AGBL3: variants seen among roughly 807,000 people sequenced by gnomAD.
AGBL3 encodes AGBL carboxypeptidase 3, also known as cytosolic carboxypeptidase 3.
Under a neutral mutation model 94.5 loss-of-function variants are expected in AGBL3, and 68 were observed. The ratio of observed to expected loss-of-function variants is 0.72; its 90% confidence interval spans 0.59 to 0.88. The LOEUF (loss-of-function observed/expected upper bound fraction) is 0.88, where lower values mean the gene tolerates loss of function less well. AGBL3 is among the 40% of genes least tolerant of loss of function. AGBL3 has a pLI of 0.00. For missense variants in AGBL3, 934 were observed against 1,103.8 expected (o/e 0.85, Z 2.18); for synonymous variants, 354 against 370.7 (o/e 0.95, Z 0.52).
At chr7:135,117,238 A>AT (rs34797654) in intron 16 of AGBL3, among the ~76,000 whole-genome samples, 73,685 of 151,968 alleles carry the variant, frequency 0.48, 18,230 homozygotes, top group South Asian at 0.66. Flanking sequence ...ATTCCTCCAT[A>AT]TTGAAATCTG....
At chr7:135,017,917 G>A (rs1813989627) in intron 5 of AGBL3, among the ~76,000 whole-genome samples, 2 of 152,108 alleles carry the variant, frequency 1.3e-5, no homozygotes, top group African/African-American at 4.8e-5. Context: ...ATTTGATTGT[G>A]AATATTTACA....
chr7:135,045,929 A>C lies in AGBL3; in HGVS notation c.1841+18A>C, dbSNP rs891615273. ...GAGTCTAGGTAACTCAAGGCTGCTG[A>C]AGTAATGCAATTTGTTGTGCTGTTT... is the stretch of plus-strand genomic sequence containing the variant. On this transcript the variant is annotated intron_variant, in intron 11 of 16. Transcript: ENST00000436302. The C allele has an allele frequency of 7.1e-7, 1 of 1,415,838 alleles. No individual in the cohort carries two copies. The highest frequency in any genetic ancestry group is 9.7e-7 in the Non-Finnish European group (1 of 1,032,258). The allele number at this position is 1,415,838 out of a possible 1,614,324, so 87.7% of individuals were successfully genotyped here.
chr7:135,068,599 GA>G (rs1199526704), intron 12 of AGBL3, among the ~76,000 whole-genome samples: 1 of 152,162 alleles, frequency 6.6e-6, no homozygotes, highest in Admixed American at 6.5e-5. Flanking sequence ...TTAAAGAAAA[GA>G]ATTTTCAACC....
chr7:135,086,575 A>G (rs1821349728), intron 15 of AGBL3, among the ~76,000 whole-genome samples: 1 of 152,034 alleles, frequency 6.6e-6, no homozygotes. Context: ...TGAGATGATC[A>G]TAGGGTTTTT....
At chr7:135,090,581 C>T (rs1425873802) in intron 15 of AGBL3, among the ~76,000 whole-genome samples, 6 of 152,116 alleles carry the variant, frequency 3.9e-5, no homozygotes, top group Non-Finnish European at 4.4e-5. Flanking sequence ...GCACCATTTC[C>T]CTGGGATACA....
chr7:135,112,967 G>A (rs1057145907), intron 15 of AGBL3, among the ~76,000 whole-genome samples: 3 of 152,090 alleles, frequency 2.0e-5, no homozygotes, highest in Admixed American at 2.0e-4. Context: ...AGTAGAGACA[G>A]GGTTTCACCC....
chr7:135,135,170 C>G lies in AGBL3; in HGVS notation c.2672C>G (p.Thr891Arg). The change falls in exon 17 of 17, where the codon ACA becomes AGA. Residue 891 changes from threonine (T) to arginine (R), a missense_variant. By Grantham distance (71) the Thr-to-Arg change is moderately conservative. Around this residue, in one of 3 missense-constraint regions of AGBL3, gnomAD observed 441 missense variants for 518.2 expected, o/e 0.85. Transcript: ENST00000436302. ...EETNQQSSKH[T>R]ALHLTKNKDE... ...ACTAACCAGCAAAGCTCTAAGCATA[C>G]AGCCCTCCATCTAACTAAAAATAAG... 1 of 1,550,878 alleles carries G rather than the reference C, an allele frequency of 6.4e-7. No individual in the cohort carries two copies. The highest frequency in any genetic ancestry group is 8.7e-7 in the Non-Finnish European group (1 of 1,146,566).
rs530716131 is a variant in AGBL3 at position 135,079,559 on chromosome 7, G to C, written c.1981-644G>C. Among the ~76,000 whole-genome samples the C allele has an allele frequency of 7.2e-5, 11 of 151,924 alleles. No individual in the cohort carries two copies. The East Asian group carries it at 1.7e-3, about 24-fold the overall frequency. On this transcript the variant is annotated intron_variant, in intron 13 of 16. Transcript: ENST00000436302. ...CAGCTCACTGCAACCTCTGCCTCCC[G>C]GGTTTAAGCAATTCTCCTGCCTCAG...
chr7:135,129,354 G>C (rs1202960430), intron 16 of AGBL3: 8 of 990,618 alleles, frequency 8.1e-6, no homozygotes, highest in Middle Eastern at 2.6e-4. Context: ...CTTACTAAAT[G>C]AATACCTGCA....
At chr7:135,014,469 AC>A (rs1392406824) in intron 4 of AGBL3, among the ~76,000 whole-genome samples, 2 of 152,184 alleles carry the variant, frequency 1.3e-5, no homozygotes, top group African/African-American at 2.4e-5. Flanking sequence ...AAGTGGGATC[AC>A]CCAAAGATAA....
intron 14 of AGBL3, 143 bp downstream of exon 14, chr7:135,080,403 C>T (rs1820816802): frequency 3.2e-6 from 2 of 619,232 alleles, no homozygotes; most frequent in African/African-American, 3.7e-5. Flanking sequence ...CCTGCAGGAC[C>T]TCATCCTTTA....
At chr7:135,016,267 A>C (rs1384709622) in intron 4 of AGBL3, among the ~76,000 whole-genome samples, 8 of 152,164 alleles carry the variant, frequency 5.3e-5, no homozygotes, top group Non-Finnish European at 1.0e-4. Flanking sequence ...TTAACTCTAC[A>C]ATACAGTGAT....
At chr7:135,089,283 G>C (rs761188346) in intron 15 of AGBL3, among the ~76,000 whole-genome samples, 5 of 151,982 alleles carry the variant, frequency 3.3e-5, no homozygotes, top group South Asian at 2.1e-4. Context: ...TGAATTATCT[G>C]TCTGTATTTT....
intron 15 of AGBL3, among the ~76,000 whole-genome samples, chr7:135,098,151 G>T (rs1249031417): frequency 2.6e-5 from 4 of 152,074 alleles, no homozygotes; most frequent in Non-Finnish European, 5.9e-5. Flanking sequence ...TTGAAAAGCT[G>T]GAAACCAATT....
chr7:135,014,259 G>A (rs1300286689), intron 4 of AGBL3, among the ~76,000 whole-genome samples: 1 of 148,012 alleles, frequency 6.8e-6, no homozygotes, highest in Non-Finnish European at 1.5e-5. Context: ...TCTGCATAAT[G>A]AGATTGTGGA....
At chr7:135,073,726 G>C (rs956300904) in intron 12 of AGBL3, among the ~76,000 whole-genome samples, 2 of 151,832 alleles carry the variant, frequency 1.3e-5, no homozygotes, top group African/African-American at 4.8e-5. Context: ...GAGCAAGCAG[G>C]GGGTACGTGA....
intron 16 of AGBL3, chr7:135,128,768 A>G: frequency 7.6e-7 from 1 of 1,321,774 alleles, no homozygotes. Flanking sequence ...ACAGAGCTAG[A>G]TTTTGGAGGA....
At chr7:135,134,176 C>G (rs1394395343) in intron 16 of AGBL3, among the ~76,000 whole-genome samples, 3 of 152,000 alleles carry the variant, frequency 2.0e-5, no homozygotes, top group Non-Finnish European at 4.4e-5. Flanking sequence ...TGATATTGTT[C>G]TATGGTTTTG....
At chr7:135,092,688 C>T (rs908758077) in intron 15 of AGBL3, 1 of 151,902 alleles carries the variant, frequency 6.6e-6, no homozygotes, top group Non-Finnish European at 1.5e-5. Flanking sequence ...AAAGGTTTCT[C>T]AGAAAAGGTA....
Sources: allele counts gnomAD v4.1 joint callset (sites outside exome capture counted in the v4.1 genomes callset), GRCh38; gene constraint gnomAD v4.1.1; regional missense constraint gnomAD v4.1.1; transcripts MANE v1.5; gene names NCBI Gene and HGNC (gene_info 2026-07-23, HGNC 2026-07-21).